FBXL22: variants seen among roughly 807,000 people sequenced by gnomAD.
FBXL22 encodes the protein F-box and leucine-rich protein 22.
In FBXL22, 13 loss-of-function variants were observed where a neutral mutation model predicts 11.7. The observed-to-expected ratio is 1.11, with a 90% confidence interval of 0.73 to 1.77. The LOEUF is 1.77. FBXL22 is among the 40% of genes most tolerant of loss of function. The pLI is 0.00. For missense variants in FBXL22, 406 were observed against 320.4 expected (o/e 1.27, Z -2.04); for synonymous variants, 160 against 144.1 (o/e 1.11, Z -0.79).
chr15:63,604,415 G>A (rs957292024), downstream of FBXL22, among the ~76,000 whole-genome samples: 8 of 152,126 alleles, frequency 5.3e-5, no homozygotes, highest in Non-Finnish European at 1.2e-4. Context: ...CCAAGACATA[G>A]TGATCACAGA....
At chr15:63,605,889 A>G (rs966787159), downstream of FBXL22, among the ~76,000 whole-genome samples, 3 of 152,200 alleles carry the variant, frequency 2.0e-5, no homozygotes, top group African/African-American at 7.2e-5. Context: ...TAGGAGCCCC[A>G]GTGCCGGCAG....
At chr15:63,604,797 G>A (rs2067405613), downstream of FBXL22, among the ~76,000 whole-genome samples, 1 of 152,214 alleles carries the variant, frequency 6.6e-6, no homozygotes, top group Admixed American at 6.5e-5. Context: ...GCTCACGCCT[G>A]TAATCCTAGC....
At chr15:63,602,585 CAAAAAA>C (rs35457809), downstream of FBXL22, among the ~76,000 whole-genome samples, 67 of 74,582 alleles carry the variant, frequency 9.0e-4, no homozygotes, top group East Asian at 2.7e-3. Context: ...ACTCTTGTCT[CAAAAAA>C]AAAAAAAAAA....
At chr15:63,606,845 G>A (rs953313735), downstream of FBXL22, among the ~76,000 whole-genome samples, 28 of 152,208 alleles carry the variant, frequency 1.8e-4, no homozygotes, top group African/African-American at 6.8e-4. Flanking sequence ...GCAACCATGA[G>A]TGCCAGCCTT....
Position 63,597,840 on chromosome 15 carries a change from T to C in FBXL22, c.353+95T>C. On this transcript the variant is annotated intron_variant, in intron 1 of 1. Coordinates refer to ENST00000638704, the MANE Select transcript of FBXL22 (RefSeq NM_001367807.1). This position sits in a 1 kb window ranked among gnomAD's most constrained non-coding sequence, Gnocchi z 4.3. Reference sequence around the variant, plus strand: ...GAGCAAATTACGAGACCAAGATGGCTCCACCTTCGGGGCGCCTCAAACTAG... The same window carrying C: ...GAGCAAATTACGAGACCAAGATGGCCCCACCTTCGGGGCGCCTCAAACTAG... 8.0e-7 allele frequency: 1 copy of C among 1,243,346 alleles called. No individual in the cohort carries two copies. The highest frequency in any genetic ancestry group is 1.1e-6 in the Non-Finnish European group (1 of 916,228). The allele number at this position is 1,243,346 out of a possible 1,614,324, so 77.0% of individuals were successfully genotyped here.
downstream of FBXL22, among the ~76,000 whole-genome samples, chr15:63,606,998 G>C (rs896074378): frequency 2.6e-5 from 4 of 151,942 alleles, no homozygotes; most frequent in East Asian, 7.8e-4. Flanking sequence ...GCAGGAAGCG[G>C]CTCAGAAGAC....
the FBXL22 span, among the ~76,000 whole-genome samples, chr15:63,607,437 G>A: frequency 9.2e-5 from 14 of 152,200 alleles, no homozygotes; most frequent in Admixed American, 7.9e-4. Flanking sequence ...TACTGACTGC[G>A]CTCTTAGATC....
At chr15:63,599,802 A>G (rs573619395) in intron 1 of FBXL22, 2 of 986,108 alleles carry the variant, frequency 2.0e-6, no homozygotes, top group African/African-American at 3.5e-5. Context: ...CTGGACTGGA[A>G]GCAGGCTGGT....
At chr15:63,598,618 CAT>C (rs1240754363) in intron 1 of FBXL22, among the ~76,000 whole-genome samples, 1 of 152,198 alleles carries the variant, frequency 6.6e-6, no homozygotes, top group East Asian at 1.9e-4. Context: ...CCCCCTTGAT[CAT>C]ATAACAAACT....
downstream of FBXL22, among the ~76,000 whole-genome samples, chr15:63,603,125 C>A (rs1380011066): frequency 6.6e-6 from 1 of 152,112 alleles, no homozygotes; most frequent in South Asian, 2.1e-4. Flanking sequence ...TTGAGACAGA[C>A]CAAGCCTGGA....
At chr15:63,603,436 C>T (rs555575783), downstream of FBXL22, among the ~76,000 whole-genome samples, 5 of 152,272 alleles carry the variant, frequency 3.3e-5, no homozygotes, top group South Asian at 2.1e-4. Context: ...TACTAGACTT[C>T]GTTCTTGTTA....
chr15:63,598,938 T>C (rs2067319279), intron 1 of FBXL22, among the ~76,000 whole-genome samples: 1 of 152,210 alleles, frequency 6.6e-6, no homozygotes, highest in Non-Finnish European at 1.5e-5. Flanking sequence ...CCGAGCTTAA[T>C]GCCCCAAACC....
intron 1 of FBXL22, chr15:63,600,352 G>A: frequency 2.0e-5 from 22 of 1,076,042 alleles, no homozygotes; most frequent in South Asian, 4.5e-5. Context: ...CATCCAGAGC[G>A]AAACAAAGAG....
chr15:63,601,474 C>A, downstream of FBXL22: 1 of 1,557,324 alleles, frequency 6.4e-7, no homozygotes, highest in Non-Finnish European at 8.7e-7. Flanking sequence ...GGGGAGCCTC[C>A]GGGCGGAGCG....
Position 63,601,227 on chromosome 15 carries a change from GA to G in FBXL22, c.*189del. On this transcript the variant is annotated 3_prime_UTR_variant, in exon 2 of 2. Coordinates refer to ENST00000638704, the MANE Select transcript of FBXL22 (RefSeq NM_001367807.1). ...CATAGGATAAACGCAAGATTAAATG[GA>G]TATTTGGAAAACACTCGGCTGGTTC... The G allele has an allele frequency of 1.3e-6, 2 of 1,497,408 alleles. No individual in the cohort carries two copies. Among genetic ancestry groups the G allele is most frequent in the South Asian group, 2.6e-5 (2 of 76,294 alleles). 92.8% of individuals were successfully genotyped at this position (1,497,408 alleles called of 1,614,324 possible). A position where few individuals can be genotyped will look rare whatever the true frequency, so the allele number is the denominator to read the frequency against.
downstream of FBXL22, among the ~76,000 whole-genome samples, chr15:63,606,550 G>GA (rs1253897870): frequency 6.6e-6 from 1 of 152,088 alleles, no homozygotes; most frequent in East Asian, 1.9e-4. Flanking sequence ...CCCCTTTCCA[G>GA]AGTTTTCAAA....
downstream of FBXL22, chr15:63,601,386 G>A: frequency 6.2e-7 from 1 of 1,603,600 alleles, no homozygotes; most frequent in Non-Finnish European, 8.5e-7. Context: ...CACCTCGGTG[G>A]GGAGGACCTG....
chr15:63,601,668 G>T, downstream of FBXL22: 1 of 1,608,028 alleles, frequency 6.2e-7, no homozygotes, highest in Non-Finnish European at 8.5e-7. Context: ...TTCCTGGGGC[G>T]GATGCGTTCC....
downstream of FBXL22, among the ~76,000 whole-genome samples, chr15:63,603,064 T>C (rs140818255): frequency 2.4e-3 from 370 of 152,356 alleles, 1 homozygote; most frequent in Admixed American, 7.4e-3. Context: ...TTTATCTAAC[T>C]GTATGCTACT....
Sources: allele counts gnomAD v4.1 joint callset (sites outside exome capture counted in the v4.1 genomes callset), GRCh38; gene constraint gnomAD v4.1.1; non-coding constraint Gnocchi (gnomAD v3.1); transcripts MANE v1.5; gene names NCBI Gene and HGNC (gene_info 2026-07-23, HGNC 2026-07-21).